The following ONECUT2 variants were observed in gnomAD, a reference collection of about 807,000 sequenced individuals.
The protein encoded by ONECUT2 is one cut domain family member 2.
In ONECUT2, 10 loss-of-function variants were observed where a neutral mutation model predicts 27.9. The observed-to-expected ratio is 0.36, with a 90% CI of 0.22 to 0.61. ONECUT2 has a LOEUF of 0.61. Ranked by LOEUF, ONECUT2 falls within the 20% of genes least tolerant of loss-of-function variation. ONECUT2 has a pLI of 0.73. For missense variants in ONECUT2, 686 were observed against 721.0 expected (o/e 0.95, Z 0.56); for synonymous variants, 334 against 315.1 (o/e 1.06, Z -0.64).
chr18:57,435,818 G>A lies in ONECUT2; in HGVS notation c.102G>A (p.Gly34=). ...LTMESLGTLH[G]PAGGGSGGGG... is the part of the protein sequence containing the mutation. ...TGGAAAGTCTGGGCACTTTGCACGG[G>A]CCGGCCGGCGGCGGCAGTGGCGGGG... The change falls in exon 1 of 2, where the codon GGG becomes GGA. Residue 34 remains glycine (G), a synonymous_variant. Transcript: ENST00000491143. 1 of 1,127,452 alleles carries A rather than the reference G, an allele frequency of 8.9e-7. No individual in the cohort carries two copies. Among genetic ancestry groups the A allele is most frequent in the Non-Finnish European group, 1.1e-6 (1 of 903,354 alleles). 69.8% of individuals were successfully genotyped at this position (1,127,452 alleles called of 1,614,324 possible). A position where few individuals can be genotyped will look rare whatever the true frequency, so the allele number is the denominator to read the frequency against.
At chr18:57,467,647 G>C (rs2050331116) in intron 1 of ONECUT2, among the ~76,000 whole-genome samples, 2 of 152,146 alleles carry the variant, frequency 1.3e-5, no homozygotes, top group South Asian at 4.2e-4. Context: ...TTACAGGCAT[G>C]AGCCACCTCA....
chr18:57,438,258 G>A (rs1446520651), intron 1 of ONECUT2, among the ~76,000 whole-genome samples: 2 of 152,256 alleles, frequency 1.3e-5, no homozygotes, highest in East Asian at 3.8e-4. Flanking sequence ...CGCTGGGAAG[G>A]ACACACTATA....
intron 1 of ONECUT2, among the ~76,000 whole-genome samples, chr18:57,458,268 A>G (rs1407167730): frequency 6.6e-6 from 1 of 152,224 alleles, no homozygotes; most frequent in African/African-American, 2.4e-5. Flanking sequence ...CTCTTTGCCT[A>G]TCTCCTTTAA....
At chr18:57,473,008 G>C (rs2050362344) in intron 1 of ONECUT2, among the ~76,000 whole-genome samples, 2 of 152,330 alleles carry the variant, frequency 1.3e-5, no homozygotes, top group African/African-American at 2.4e-5. Flanking sequence ...AGTTGTCCCA[G>C]GGGTAGGGTC....
intron 1 of ONECUT2, among the ~76,000 whole-genome samples, chr18:57,449,210 A>G (rs1439398638): frequency 6.6e-6 from 1 of 152,194 alleles, no homozygotes. Flanking sequence ...CTCCCTTTGC[A>G]TTTAGAACAT....
chr18:57,443,988 T>G (rs1185161916), intron 1 of ONECUT2, among the ~76,000 whole-genome samples: 1 of 152,204 alleles, frequency 6.6e-6, no homozygotes, highest in Non-Finnish European at 1.5e-5. Context: ...AATATACATA[T>G]ACTTTCTCCT....
At chr18:57,444,288 C>T in intron 1 of ONECUT2, 2 of 450,918 alleles carry the variant, frequency 4.4e-6, no homozygotes, top group Admixed American at 4.7e-5. Context: ...GGTTGACTGG[C>T]TCACCAAATT....
Position 57,476,621 on chromosome 18 carries a change from C to T in ONECUT2, c.1413C>T (p.Ser471=), listed in dbSNP as rs748445208. 2 of 1,614,168 alleles carry T rather than the reference C, an allele frequency of 1.2e-6. No homozygotes were observed. Among genetic ancestry groups the T allele is most frequent in the East Asian group, 2.2e-5 (1 of 44,872 alleles). The change falls in exon 2 of 2, where the codon AGC becomes AGT. Residue 471 remains serine (S), a synonymous_variant. Transcript: ENST00000491143. ...QQLGLELTTV[S]NFFMNARRRS... ...TGGGCCTGGAGCTCACAACCGTCAG[C>T]AACTTCTTCATGAACGCCCGGCGCC...
chr18:57,437,662 G>C lies in ONECUT2; in HGVS notation c.1228+718G>C, dbSNP rs3786486. Among the ~76,000 whole-genome samples the C allele has an allele frequency of 6.6e-4, 101 of 152,306 alleles. 1 individual carries two copies. The East Asian group carries it at 0.015, about 22-fold the overall frequency. On this transcript the variant is annotated intron_variant, in intron 1 of 1. Coordinates refer to ENST00000491143, the MANE Select transcript of ONECUT2 (RefSeq NM_004852.3). Reference sequence around the variant, plus strand: ...ATGTCACTACCTACAGCGAGGGCAGGGTGTAAGGTTGAGAAGGTCACATTC... The same window carrying C: ...ATGTCACTACCTACAGCGAGGGCAGCGTGTAAGGTTGAGAAGGTCACATTC...
Position 57,466,090 on chromosome 18 carries a change from T to TTGTTG in ONECUT2, c.1229-10343_1229-10342insGTGTT, listed in dbSNP as rs2050319734. 3.3e-5 allele frequency among the ~76,000 whole-genome samples: 5 copies of TTGTTG among 152,242 alleles called. No individual in the cohort carries two copies. The South Asian group carries it at 1.0e-3, about 32-fold the overall frequency. ...GGTGTCCCTCCTCCACCCTGCAGTTTTGTTTTGTTTTGTTTTGTTTTTTTG... is the reference window on the plus strand; with the variant it reads ...GGTGTCCCTCCTCCACCCTGCAGTTTTGTTGTGTTTTGTTTTGTTTTGTTTTTTTG... On this transcript the variant is annotated intron_variant, in intron 1 of 1. Transcript: ENST00000491143.
chr18:57,466,165 G>A (rs889483539), intron 1 of ONECUT2, among the ~76,000 whole-genome samples: 2 of 152,328 alleles, frequency 1.3e-5, no homozygotes, highest in South Asian at 2.1e-4. Flanking sequence ...GTGGAAGGGA[G>A]TGGGGAGTAC....
intron 1 of ONECUT2, among the ~76,000 whole-genome samples, chr18:57,448,435 G>GA (rs1001029290): frequency 7.2e-5 from 11 of 152,098 alleles, no homozygotes; most frequent in African/African-American, 1.2e-4. Context: ...ATTTGATGTT[G>GA]AAAAAAATTG....
Position 57,436,171 on chromosome 18 carries a change from C to G in ONECUT2, c.455C>G (p.Thr152Arg). ...ATGAGCAACACCTACACCACGCTGA[C>G]ACCGCTCCAGCCGCTGCCACCCATC... ...MGMSNTYTTL[T>R]PLQPLPPIST... Residue 152 changes from threonine to arginine, a missense_variant, in exon 1 of 2, where the codon ACA becomes AGA. Transcript: ENST00000491143. This position sits in a 1 kb window ranked among gnomAD's most constrained non-coding sequence, Gnocchi z 5.9. The G allele has an allele frequency of 6.2e-7, 1 of 1,606,528 alleles. No individual in the cohort carries two copies. Among genetic ancestry groups the G allele is most frequent in the Non-Finnish European group, 8.5e-7 (1 of 1,179,640 alleles).
Position 57,483,906 on chromosome 18 carries a change from T to C in ONECUT2, c.*7183T>C, listed in dbSNP as rs1334418318. The C allele has an allele frequency of 6.6e-6, 1 of 152,598 alleles. No individual in the cohort carries two copies. Among genetic ancestry groups the C allele is most frequent in the East Asian group, 1.9e-4 (1 of 5,202 alleles). 9.5% of individuals were successfully genotyped at this position (152,598 alleles called of 1,614,324 possible). ...ATCTGTGAAAGGTGCACTGTATAGTTTATATTTTTAATTTAAAACAACAGA... is the reference window on the plus strand; with the variant it reads ...ATCTGTGAAAGGTGCACTGTATAGTCTATATTTTTAATTTAAAACAACAGA... On this transcript the variant is annotated 3_prime_UTR_variant, in exon 2 of 2. Transcript: ENST00000491143.
chr18:57,462,893 G>A (rs753635995), intron 1 of ONECUT2, among the ~76,000 whole-genome samples: 24 of 151,680 alleles, frequency 1.6e-4, no homozygotes, highest in Non-Finnish European at 2.7e-4. Flanking sequence ...CACCACGCCT[G>A]GCTAATTTTT....
At chr18:57,452,892 A>C (rs944815527) in intron 1 of ONECUT2, among the ~76,000 whole-genome samples, 6 of 152,236 alleles carry the variant, frequency 3.9e-5, no homozygotes, top group Non-Finnish European at 7.3e-5. Flanking sequence ...AACAAAGCAA[A>C]CACTGCTTAG....
chr18:57,442,352 C>G (rs1456488487), intron 1 of ONECUT2, among the ~76,000 whole-genome samples: 1 of 151,240 alleles, frequency 6.6e-6, no homozygotes, highest in Non-Finnish European at 1.5e-5. Context: ...CCAGCCCTCT[C>G]CAAGAACAGT....
Position 57,490,669 on chromosome 18 carries a change from T to A in ONECUT2, c.*13946T>A, listed in dbSNP as rs1401274053. 1 of 152,166 alleles carries A rather than the reference T, an allele frequency of 6.6e-6. No homozygotes were observed. Among genetic ancestry groups the A allele is most frequent in the Non-Finnish European group, 1.5e-5 (1 of 68,046 alleles). The allele number at this position is 152,166 out of a possible 1,614,324, so 9.4% of individuals were successfully genotyped here. On this transcript the variant is annotated 3_prime_UTR_variant, in exon 2 of 2. Transcript: ENST00000491143. ...AGTCCTTTGTGGAAACCCAACTACC[T>A]TTTAAAAGTCTCTTTCCAGATTCCA...
At chr18:57,467,053 A>T in intron 1 of ONECUT2, 1 of 398,932 alleles carries the variant, frequency 2.5e-6, no homozygotes, top group South Asian at 1.9e-5. Flanking sequence ...ATGCCTCCAT[A>T]TAAGAAAGTC....
Sources: allele counts gnomAD v4.1 joint callset (sites outside exome capture counted in the v4.1 genomes callset), GRCh38; gene constraint gnomAD v4.1.1; non-coding constraint Gnocchi (gnomAD v3.1); transcripts MANE v1.5; gene names NCBI Gene and HGNC (gene_info 2026-07-23, HGNC 2026-07-21).